The following FN1 variants were observed in gnomAD, a reference collection of about 807,000 sequenced individuals.
The protein encoded by FN1 is fibronectin 1, also known as fibronectin.
Under a neutral mutation model 297.3 loss-of-function variants are expected in FN1, and 106 were observed. That is an observed-to-expected ratio of 0.36 (90% CI 0.30 to 0.42). FN1 has a LOEUF of 0.42. Ranked by LOEUF, FN1 falls within the 10% of genes least tolerant of loss-of-function variation. The pLI, the probability that FN1 is intolerant of heterozygous loss-of-function variation, is 1.00. For missense variants in FN1, 2,690 were observed against 3,124.9 expected, an observed-to-expected ratio of 0.86 and a Z score of 3.32; for synonymous variants, 1,149 against 1,152.6, an observed-to-expected ratio of 1.00 and a Z score of 0.06.
chr2:215,419,569 A>T (rs1036712942), intron 11 of FN1, among the ~76,000 whole-genome samples, 184 bp from the exon 12 acceptor site: 3 of 152,230 alleles, frequency 2.0e-5, no homozygotes, highest in African/African-American at 7.2e-5. Context: ...AGTAAAAAAA[A>T]AACCAAAGTA....
intron 34 of FN1, 143 bp downstream of exon 34, chr2:215,378,987 G>T: frequency 2.4e-6 from 2 of 832,078 alleles, no homozygotes; most frequent in Non-Finnish European, 2.0e-6. Context: ...AAGGAATTCC[G>T]TTGATATAAA....
At chr2:215,387,468 C>CT (rs897863420) in intron 27 of FN1, among the ~76,000 whole-genome samples, 48 of 152,258 alleles carry the variant, frequency 3.2e-4, no homozygotes, top group African/African-American at 1.1e-3. Context: ...ACAAAACTTT[C>CT]TGAAACTAAA....
intron 41 of FN1, 54 bp from the exon 42 acceptor site, chr2:215,368,081 A>C: frequency 1.3e-6 from 2 of 1,574,402 alleles, no homozygotes; most frequent in South Asian, 2.2e-5. Flanking sequence ...ATCGATTTGG[A>C]CCATAAGAAG....
Position 215,383,472 on chromosome 2 carries a change from G to T in FN1, c.4906C>A (p.Pro1636Thr). Residue 1636 changes from proline to threonine, a missense_variant, in exon 31 of 46, where the codon CCA (proline) becomes ACA (threonine). This residue lies in a region of FN1 where 1,743 missense variants were observed against 1,945.2 expected (regional missense o/e 0.90). Coordinates refer to ENST00000354785, the MANE Select transcript of FN1 (RefSeq NM_212482.4). Reference protein sequence around the residue: ...SINYRTEIDKPSQMQVTDVQD... With the variant: ...SINYRTEIDKTSQMQVTDVQD... The stretch of plus-strand genomic sequence containing the variant: ...ACATCGGTCACTTGCATCTGGGATG[G>T]TTTGTCAATTTCTACAAATAAAAGC... The T allele has an allele frequency of 6.2e-7, 1 of 1,614,106 alleles. No individual in the cohort carries two copies.
At chr2:215,361,660 G>T in intron 45 of FN1, 34 bp from the exon 46 acceptor site, 2 of 1,475,660 alleles carry the variant, frequency 1.4e-6, no homozygotes, top group Non-Finnish European at 1.9e-6. Context: ...AAAAATTAGT[G>T]GCAAATACTG....
At position 215,404,643 on chromosome 2, in the gene FN1, G is replaced by A. The variant is rs1301219796; in HGVS notation, c.2999C>T (p.Pro1000Leu). The A allele has an allele frequency of 6.2e-7, 1 of 1,613,650 alleles. No homozygotes were observed. Among genetic ancestry groups the A allele is most frequent in the Non-Finnish European group, 8.5e-7 (1 of 1,179,576 alleles). ...TTCATTGACAAACTGGAGGTTAGTG[G>A]GAGCATCCAGTTCTAGGAAAAAAGA... ...TAQQTTKLDA[P>L]TNLQFVNETD... Residue 1000 changes from proline to leucine, a missense_variant, in exon 20 of 46, where the codon CCC (proline) becomes CTC (leucine). Pro to Leu is a moderately conservative substitution (Grantham distance 98). Around this residue, in one of 3 missense-constraint regions of FN1, gnomAD observed 1,743 missense variants for 1,945.2 expected, o/e 0.90. Coordinates refer to ENST00000354785, the MANE Select transcript of FN1 (RefSeq NM_212482.4).
chr2:215,376,567 C>G lies in FN1; in HGVS notation c.5818G>C (p.Val1940Leu). ...ATTGGAGTCTGGCCATTGGCTGGAA[C>G]GGCATCAACTTGGAAGCCAGTGATC... Reference protein sequence around the residue: ...ETITGFQVDAVPANGQTPIQR... With the variant: ...ETITGFQVDALPANGQTPIQR... The change falls in exon 36 of 46, where the codon GTT becomes CTT. Residue 1940 changes from valine (V) to leucine (L), a missense_variant. By Grantham distance (32) the Val-to-Leu change is conservative. This residue lies in a region of FN1 where 1,743 missense variants were observed against 1,945.2 expected (regional missense o/e 0.90). Coordinates refer to ENST00000354785, the MANE Select transcript of FN1 (RefSeq NM_212482.4). The G allele has an allele frequency of 3.7e-6, 6 of 1,613,928 alleles. No individual in the cohort carries two copies. Among genetic ancestry groups the G allele is most frequent in the Non-Finnish European group, 5.1e-6 (6 of 1,179,970 alleles).
rs372396685 is a variant in FN1, at chr2:215,372,164, C to T, written c.6459G>A (p.Pro2153=). The change falls in exon 40 of 46, where the codon CCG becomes CCA. Residue 2153 remains proline, a synonymous_variant. Coordinates refer to ENST00000354785, the MANE Select transcript of FN1 (RefSeq NM_212482.4). ...GCCTTATGGGGGTGGCCGTTGTGGG[C>T]GGTGTGGTCCGCCTAAAACCATGTT... ...FEEHGFRRTT[P]PTTATPIRHR... The T allele has an allele frequency of 5.4e-5, 87 of 1,614,038 alleles. No homozygotes were observed. Among genetic ancestry groups the T allele is most frequent in the South Asian group, 2.2e-4 (20 of 91,092 alleles).
chr2:215,403,901 T>C (rs1198757363), intron 20 of FN1, among the ~76,000 whole-genome samples: 1 of 152,276 alleles, frequency 6.6e-6, no homozygotes, highest in African/African-American at 2.4e-5. Context: ...ATTTTTATTC[T>C]GCATTTATAG....
chr2:215,435,561 C>T (rs1398556719), intron 1 of FN1, 94 bp downstream of exon 1: 8 of 1,556,042 alleles, frequency 5.1e-6, no homozygotes, highest in Non-Finnish European at 7.0e-6. Context: ...CACACTCGCA[C>T]ACACGCGCGC....
At chr2:215,397,900 T>G (rs761064874) in intron 21 of FN1, 52 bp from the exon 22 acceptor site, 1 of 1,459,358 alleles carries the variant, frequency 6.9e-7, no homozygotes, top group Non-Finnish European at 9.6e-7. Flanking sequence ...TCCAGAGGAC[T>G]GTTACTGCTG....
In FN1 at chr2:215,365,966, ATTTTTTTT is replaced by A. The variant is rs559516647; in HGVS notation, c.7019-344_7019-337del. 3.8e-3 allele frequency among the ~76,000 whole-genome samples: 344 copies of A among 90,342 alleles called. 4 individuals are homozygous for A. Among genetic ancestry groups the A allele is most frequent in the African/African-American group, 0.015 (318 of 21,202 alleles). 59.3% of individuals were successfully genotyped at this position (90,342 alleles called of 152,430 possible). ...GATTACAGGCACTCCCCACAGTGCT[ATTTTTTTT>A]TTTTTTTTTTTTTTTGTATTTTTTG... On this transcript the variant is annotated intron_variant, in intron 42 of 45. Coordinates refer to ENST00000354785, the MANE Select transcript of FN1 (RefSeq NM_212482.4).
intron 26 of FN1, among the ~76,000 whole-genome samples, chr2:215,389,275 TG>T (rs1234738548): frequency 6.6e-6 from 1 of 152,046 alleles, no homozygotes; most frequent in Non-Finnish European, 1.5e-5. Flanking sequence ...GGCTAATTTT[TG>T]TATTTTTAAT....
At chr2:215,406,141 C>A in intron 19 of FN1, 97 bp downstream of exon 19, 2 of 1,248,244 alleles carry the variant, frequency 1.6e-6, no homozygotes, top group Non-Finnish European at 2.3e-6. Context: ...TCTCTCTAAG[C>A]CATACACCTC....
At position 215,384,846 on chromosome 2, in the gene FN1, T is replaced by C. The variant is rs765460308; in HGVS notation, c.4729+14A>G. 1.3e-6 allele frequency: 2 copies of C among 1,510,404 alleles called. No individual in the cohort carries two copies. Among genetic ancestry groups the C allele is most frequent in the Admixed American group, 3.3e-5 (2 of 59,882 alleles). The allele number at this position is 1,510,404 out of a possible 1,614,324, so 93.6% of individuals were successfully genotyped here. On this transcript the variant is annotated intron_variant, in intron 29 of 45. Transcript: ENST00000354785. ...GATTTAATCAGAGTGTAAAATAGCA[T>C]TTTACTGCTGTACCTGTCTCTCCGT...
intron 20 of FN1, 59 bp from the exon 21 acceptor site, chr2:215,399,410 A>G (rs1298050320): frequency 4.4e-5 from 49 of 1,115,366 alleles, no homozygotes; most frequent in Non-Finnish European, 6.2e-5. Context: ...ATTGCATAGC[A>G]TATAGATAAC....
At chr2:215,366,131 TTTGG>T (rs2054563072) in intron 42 of FN1, among the ~76,000 whole-genome samples, 1 of 152,178 alleles carries the variant, frequency 6.6e-6, no homozygotes, top group African/African-American at 2.4e-5. Flanking sequence ...GGGCCATTTC[TTTGG>T]TTGAATTTTA....
At position 215,433,407 on chromosome 2, in the gene FN1, G is replaced by A. The variant is rs768150449; in HGVS notation, c.332C>T (p.Thr111Ile). ...CATGGAGTCTTTAGGACGCTCATAA[G>A]TGTCACCCACTCGGTAAGTGTTCCC... ...YTGNTYRVGD[T>I]YERPKDSMIW... The change falls in exon 3 of 46, where the codon ACT (threonine) becomes ATT (isoleucine). Residue 111 changes from threonine to isoleucine, a missense_variant. Coordinates refer to ENST00000354785, the MANE Select transcript of FN1 (RefSeq NM_212482.4). 1 of 1,614,148 alleles carries A rather than the reference G, an allele frequency of 6.2e-7. No individual in the cohort carries two copies. The highest frequency in any genetic ancestry group is 1.7e-5 in the Admixed American group (1 of 60,024).
At chr2:215,414,023 G>C (rs1276112503) in intron 13 of FN1, among the ~76,000 whole-genome samples, 1 of 152,152 alleles carries the variant, frequency 6.6e-6, no homozygotes, top group Non-Finnish European at 1.5e-5. Flanking sequence ...TTCCTGAAGA[G>C]TTTAAATTTA....
Sources: gnomAD v4.1 joint callset for allele counts (sites outside exome capture counted in the v4.1 genomes callset) on GRCh38, gnomAD v4.1.1 for gene constraint, gnomAD v4.1.1 regional missense constraint, MANE v1.5 for transcripts, NCBI Gene and HGNC (gene_info 2026-07-23, HGNC 2026-07-21) for gene names.